The following AOPEP variants were observed in gnomAD, a reference collection of about 807,000 sequenced individuals.
AOPEP encodes the protein aminopeptidase O.
Under a neutral mutation model 98.1 loss-of-function variants are expected in AOPEP, and 77 were observed. The ratio of observed to expected loss-of-function variants is 0.78; its 90% confidence interval spans 0.65 to 0.95. The LOEUF (loss-of-function observed/expected upper bound fraction) is 0.95, where lower values mean the gene tolerates loss of function less well. Among genes scored for constraint, AOPEP ranks in the 40% least tolerant of loss-of-function variants. AOPEP has a pLI of 0.00. For missense variants in AOPEP, 1,024 were observed against 1,024.7 expected (o/e 1.00, Z 0.01); for synonymous variants, 346 against 365.3 (o/e 0.95, Z 0.60).
At chr9:95,030,948 C>G (rs970459896) in intron 13 of AOPEP, among the ~76,000 whole-genome samples, 40 of 152,220 alleles carry the variant, frequency 2.6e-4, no homozygotes, top group African/African-American at 9.6e-4. Context: ...GCAAATAGTC[C>G]TCACTTCAAA....
intron 5 of AOPEP, among the ~76,000 whole-genome samples, chr9:94,841,203 A>T (rs1396684237): frequency 7.4e-6 from 1 of 135,170 alleles, no homozygotes; most frequent in African/African-American, 2.8e-5. Context: ...ACGGAGTCTC[A>T]CTCTGTCGCC....
intron 5 of AOPEP, among the ~76,000 whole-genome samples, chr9:94,910,646 C>T (rs2051885344): frequency 6.6e-6 from 1 of 152,174 alleles, no homozygotes; most frequent in African/African-American, 2.4e-5. Context: ...GACAGCAGGA[C>T]GTCTTTTGCC....
intron 3 of AOPEP, among the ~76,000 whole-genome samples, chr9:94,783,133 C>G (rs531736927): frequency 2.6e-5 from 4 of 152,096 alleles, no homozygotes; most frequent in Non-Finnish European, 4.4e-5. Flanking sequence ...TCAGAGTGGC[C>G]GGTGAGACTT....
intron 11 of AOPEP, among the ~76,000 whole-genome samples, chr9:95,001,380 G>A (rs2061550570): frequency 6.6e-6 from 1 of 152,206 alleles, no homozygotes; most frequent in Admixed American, 6.5e-5. Context: ...TCTACTGGAT[G>A]AGGCATTTTT....
At chr9:95,128,430 A>G in the AOPEP span, among the ~76,000 whole-genome samples, 1 of 152,262 alleles carries the variant, frequency 6.6e-6, no homozygotes, top group Admixed American at 6.5e-5. Context: ...TGAAAATGGT[A>G]AAATTAAATT....
intron 2 of AOPEP, among the ~76,000 whole-genome samples, chr9:94,762,372 G>A (rs1256652604): frequency 3.3e-5 from 5 of 151,964 alleles, no homozygotes; most frequent in African/African-American, 7.2e-5. Flanking sequence ...GCGTGAACCC[G>A]GGAGGCAGAG....
rs113657409 is a variant in AOPEP at position 94,728,239 on chromosome 9, G to GCGCGCGCGCGCGCGCACACA, written c.-136+1489_-136+1490insGCGCGCGCGCGCGCACACAC. Among the ~76,000 whole-genome samples the GCGCGCGCGCGCGCGCACACA allele has an allele frequency of 5.8e-4, 85 of 146,606 alleles. 1 individual carries two copies. Among genetic ancestry groups the GCGCGCGCGCGCGCGCACACA allele is most frequent in the Non-Finnish European group, 9.5e-4 (63 of 66,334 alleles). On this transcript the variant is annotated intron_variant, in intron 1 of 16. Coordinates refer to ENST00000375315, the MANE Select transcript of AOPEP (RefSeq NM_001193329.3). Reference sequence around the variant, plus strand: ...TGTGATCCTTCCTGCGTGCGCGCATGCACACACACACACACACACACACAC... The same window carrying GCGCGCGCGCGCGCGCACACA: ...TGTGATCCTTCCTGCGTGCGCGCATGCGCGCGCGCGCGCGCACACACACACACACACACACACACACACAC...
intron 9 of AOPEP, among the ~76,000 whole-genome samples, chr9:94,957,166 C>G (rs1474239899): frequency 6.6e-6 from 1 of 152,142 alleles, no homozygotes; most frequent in Non-Finnish European, 1.5e-5. Flanking sequence ...TTACTGCTCT[C>G]TTAACCAAAC....
At chr9:94,779,598 T>A (rs1406940600) in intron 3 of AOPEP, among the ~76,000 whole-genome samples, 3 of 152,032 alleles carry the variant, frequency 2.0e-5, no homozygotes, top group Non-Finnish European at 4.4e-5. Context: ...CAAAATAAAA[T>A]TATAAATGAA....
rs961797114 is a variant in AOPEP at position 95,037,983 on chromosome 9, C to T, written c.2116-22711C>T. The stretch of plus-strand genomic sequence containing the variant: ...TGGAGCTCCTTAGATGAAAGGTGCT[C>T]GGTGTGGGAAATACAGTAATGTGAG... On this transcript the variant is annotated intron_variant, in intron 13 of 16. Transcript: ENST00000375315. Among the ~76,000 whole-genome samples the T allele has an allele frequency of 8.6e-5, 13 of 152,046 alleles. No individual in the cohort carries two copies. In the South Asian group the frequency reaches 1.2e-3, roughly 15 times the overall value.
At chr9:95,136,491 TA>T in the AOPEP span, among the ~76,000 whole-genome samples, 346 of 143,872 alleles carry the variant, frequency 2.4e-3, no homozygotes, top group Admixed American at 2.5e-3. Context: ...AAGATTCCTT[TA>T]AAAAAAAAAA....
chr9:94,927,021 G>A (rs1458599238), intron 6 of AOPEP, among the ~76,000 whole-genome samples: 3 of 152,176 alleles, frequency 2.0e-5, no homozygotes, highest in Admixed American at 6.5e-5. Flanking sequence ...AACAACAGAC[G>A]TTTATTCCTC....
chr9:95,068,326 C>CTTG (rs35578489), intron 14 of AOPEP, among the ~76,000 whole-genome samples: 135,874 of 151,966 alleles, frequency 0.89, 61,528 homozygotes, highest in Non-Finnish European at 0.97. Flanking sequence ...TCCACCAGCA[C>CTTG]TTGTTGTCCG....
At chr9:95,004,235 A>G in intron 11 of AOPEP, 1 of 456,594 alleles carries the variant, frequency 2.2e-6, no homozygotes, top group Non-Finnish European at 4.4e-6. Flanking sequence ...TGCGGATGAG[A>G]AGGCCTTTGG....
chr9:95,010,730 C>CCTT (rs1239622866), intron 13 of AOPEP, among the ~76,000 whole-genome samples: 1 of 152,212 alleles, frequency 6.6e-6, no homozygotes, highest in Non-Finnish European at 1.5e-5. Flanking sequence ...GTTTTCCCTC[C>CCTT]CTTCATCCCT....
chr9:94,772,044 TATA>T (rs748471932), intron 2 of AOPEP, among the ~76,000 whole-genome samples: 5 of 152,186 alleles, frequency 3.3e-5, no homozygotes, highest in Non-Finnish European at 7.3e-5. Flanking sequence ...AATGCTCAAT[TATA>T]ATGATGTTAA....
intron 13 of AOPEP, among the ~76,000 whole-genome samples, chr9:95,013,424 TC>T (rs998855328): frequency 6.6e-6 from 1 of 151,584 alleles, no homozygotes; most frequent in Admixed American, 6.6e-5. Flanking sequence ...TTTTTTTACT[TC>T]CTGTAAATAC....
At chr9:94,800,674 A>C in intron 4 of AOPEP, 83 bp from the exon 5 acceptor site, 1 of 1,466,034 alleles carries the variant, frequency 6.8e-7, no homozygotes, top group South Asian at 1.2e-5. Flanking sequence ...GTCTCCTAAA[A>C]GTTGTCTACA....
chr9:95,137,570 G>A, the AOPEP span, among the ~76,000 whole-genome samples: 2 of 152,178 alleles, frequency 1.3e-5, no homozygotes, highest in East Asian at 1.9e-4. Flanking sequence ...GAAAAGAAGA[G>A]AAGAAATGAT....
Sources: gnomAD v4.1 joint callset for allele counts (sites outside exome capture counted in the v4.1 genomes callset) on GRCh38, gnomAD v4.1.1 for gene constraint, MANE v1.5 for transcripts, NCBI Gene and HGNC (gene_info 2026-07-23, HGNC 2026-07-21) for gene names.